TTC39C: variants seen among roughly 807,000 people sequenced by gnomAD.
TTC39C encodes the protein tetratricopeptide repeat domain 39C.
Under a neutral mutation model 76.3 loss-of-function variants are expected in TTC39C, and 33 were observed. The observed-to-expected ratio is 0.43, with a 90% CI of 0.33 to 0.58. The LOEUF (loss-of-function observed/expected upper bound fraction) is 0.58, where lower values mean the gene tolerates loss of function less well. Among genes scored for constraint, TTC39C ranks in the 20% least tolerant of loss-of-function variants. TTC39C has a pLI of 0.04. For synonymous variants in TTC39C, 254 were observed against 260.6 expected (o/e 0.97, Z 0.24); for missense variants, 595 against 701.4 (o/e 0.85, Z 1.71).
intron 8 of TTC39C, among the ~76,000 whole-genome samples, chr18:24,119,629 G>GT (rs11458940): frequency 0.41 from 63,082 of 152,014 alleles, 14,465 homozygotes; most frequent in African/African-American, 0.62. Context: ...TGACAGGCGT[G>GT]TTCTCATGGC....
intron 7 of TTC39C, among the ~76,000 whole-genome samples, chr18:24,115,955 G>T (rs2145811224): frequency 6.6e-6 from 1 of 151,942 alleles, no homozygotes; most frequent in South Asian, 2.1e-4. Context: ...CAAGTCCTAT[G>T]ACAGGATAGG....
chr18:24,125,298 A>G, intron 9 of TTC39C, 129 bp from the exon 10 acceptor site: 1 of 1,199,808 alleles, frequency 8.3e-7, no homozygotes, highest in Non-Finnish European at 1.1e-6. Flanking sequence ...AAGAATTGTT[A>G]TTCTTAGCTT....
At chr18:24,055,461 G>A (rs2084003788) in intron 1 of TTC39C, among the ~76,000 whole-genome samples, 1 of 152,116 alleles carries the variant, frequency 6.6e-6, no homozygotes, top group Admixed American at 6.6e-5. Context: ...TTGTGGCTTT[G>A]ATTTGCATTT....
At chr18:24,012,092 G>A (rs1268655087), upstream of TTC39C, among the ~76,000 whole-genome samples, 3 of 152,094 alleles carry the variant, frequency 2.0e-5, no homozygotes, top group South Asian at 2.1e-4. Flanking sequence ...ATGTGAATCC[G>A]GGGCAGGTGT....
At chr18:24,013,413 G>C (rs1176882999), upstream of TTC39C, among the ~76,000 whole-genome samples, 1 of 152,164 alleles carries the variant, frequency 6.6e-6, no homozygotes, top group Admixed American at 6.5e-5. Flanking sequence ...TCTTATAAGG[G>C]ATGGTACAAT....
At chr18:24,097,375 A>G (rs770187127) in intron 6 of TTC39C, among the ~76,000 whole-genome samples, 51 of 152,334 alleles carry the variant, frequency 3.3e-4, no homozygotes, top group South Asian at 1.2e-3. Context: ...GTAAATCCAC[A>G]TTTCATCTCC....
chr18:24,007,531 G>A (rs1417753370), intron 1 of TTC39C, among the ~76,000 whole-genome samples: 1 of 152,100 alleles, frequency 6.6e-6, no homozygotes, highest in African/African-American at 2.4e-5. Context: ...TTACAGATGG[G>A]TGCCACCAGG....
chr18:24,041,472 A>G (rs936981938), intron 1 of TTC39C, among the ~76,000 whole-genome samples: 1 of 152,226 alleles, frequency 6.6e-6, no homozygotes, highest in Non-Finnish European at 1.5e-5. Flanking sequence ...AGAAGGGCCA[A>G]GAGTGTCATT....
Position 24,045,895 on chromosome 18 carries a change from ATATATATAT to A in TTC39C, c.168-18244_168-18236del, listed in dbSNP as rs1568417201. On this transcript the variant is annotated intron_variant, in intron 1 of 13. Coordinates refer to ENST00000317571, the MANE Select transcript of TTC39C (RefSeq NM_001135993.2). ...TTAGGGTACTTCCTTCTGTGAAAAT[ATATATATAT>A]ATATATATATATATATATATATATT... Among the ~76,000 whole-genome samples, 112 of 42,330 alleles carry A rather than the reference ATATATATAT, an allele frequency of 2.6e-3. 2 individuals carry two copies. Among genetic ancestry groups the A allele is most frequent in the Admixed American group, 0.015 (46 of 3,166 alleles). The allele number at this position is 42,330 out of a possible 152,430, so 27.8% of individuals were successfully genotyped here. A position where few individuals can be genotyped will look rare whatever the true frequency, so the allele number is the denominator to read the frequency against.
At chr18:24,098,518 C>T (rs1216701930) in intron 6 of TTC39C, among the ~76,000 whole-genome samples, 2 of 63,622 alleles carry the variant, frequency 3.1e-5, no homozygotes, top group Admixed American at 2.6e-4. Context: ...CTCCCCTCCC[C>T]TCCCGTCCCC....
chr18:24,013,928 T>G (rs1234408925), upstream of TTC39C, among the ~76,000 whole-genome samples: 1 of 152,272 alleles, frequency 6.6e-6, no homozygotes, highest in African/African-American at 2.4e-5. Flanking sequence ...AGTGTGAGAA[T>G]AGAACACACT....
chr18:24,054,773 T>C (rs1399564632), intron 1 of TTC39C, among the ~76,000 whole-genome samples: 1 of 152,240 alleles, frequency 6.6e-6, no homozygotes, highest in South Asian at 2.1e-4. Flanking sequence ...TGTCATCTTA[T>C]CCATTTTTCA....
intron 1 of TTC39C, among the ~76,000 whole-genome samples, chr18:24,059,638 C>T (rs1487836868): frequency 6.6e-6 from 1 of 152,120 alleles, no homozygotes; most frequent in Non-Finnish European, 1.5e-5. Context: ...CGGTTGATTC[C>T]ATGTCTTTGC....
intron 3 of TTC39C, among the ~76,000 whole-genome samples, chr18:24,068,382 C>T (rs1016496914): frequency 6.6e-6 from 1 of 152,162 alleles, no homozygotes; most frequent in Admixed American, 6.5e-5. Context: ...ATCATTCTGG[C>T]TTGTCTACTG....
rs767183787 is a variant in TTC39C, at chr18:24,001,831, T to TTTTTTGG, written c.-17+8798_-17+8799insGGTTTTT. On this transcript the variant is annotated intron_variant, in intron 1 of 13. Transcript: ENST00000304621. ...AGGTGTACGGTAATTCTGTTTTTTT[T>TTTTTTGG]TTTTTTTTTTTTGAGACGGAGTCTC... is the stretch of plus-strand genomic sequence containing the variant. Among the ~76,000 whole-genome samples the TTTTTTGG allele has an allele frequency of 3.8e-3, 167 of 44,528 alleles. 2 individuals carry two copies. Among genetic ancestry groups the TTTTTTGG allele is most frequent in the Non-Finnish European group, 6.1e-3 (71 of 11,734 alleles). 29.2% of individuals were successfully genotyped at this position (44,528 alleles called of 152,430 possible).
intron 6 of TTC39C, among the ~76,000 whole-genome samples, chr18:24,102,047 G>A (rs1466432844): frequency 1.3e-5 from 2 of 152,204 alleles, no homozygotes; most frequent in East Asian, 3.8e-4. Flanking sequence ...TAAAAAAGAA[G>A]GCAGTACCTC....
At chr18:24,115,454 G>A (rs772205658) in intron 7 of TTC39C, among the ~76,000 whole-genome samples, 6 of 152,184 alleles carry the variant, frequency 3.9e-5, no homozygotes, top group Non-Finnish European at 5.9e-5. Flanking sequence ...GAGTTTCAGC[G>A]TAGCTAATGC....
At chr18:24,099,975 T>G (rs2084656823) in intron 6 of TTC39C, among the ~76,000 whole-genome samples, 1 of 152,222 alleles carries the variant, frequency 6.6e-6, no homozygotes, top group Admixed American at 6.5e-5. Flanking sequence ...ATGATTAAGC[T>G]TTTGGATTAT....
At chr18:24,061,174 G>A (rs1389791293) in intron 1 of TTC39C, among the ~76,000 whole-genome samples, 1 of 149,840 alleles carries the variant, frequency 6.7e-6, no homozygotes, top group African/African-American at 2.5e-5. Context: ...TGAAAAAAAT[G>A]TTATAGATTA....
Sources: allele counts gnomAD v4.1 joint callset (sites outside exome capture counted in the v4.1 genomes callset), GRCh38; gene constraint gnomAD v4.1.1; transcripts MANE v1.5; gene names NCBI Gene and HGNC (gene_info 2026-07-23, HGNC 2026-07-21).